The following ERC1 variants were observed in gnomAD, a reference collection of about 807,000 sequenced individuals.
ERC1 encodes the protein RAB6 interacting protein 2.
Under a neutral mutation model 132.0 loss-of-function variants are expected in ERC1, and 56 were observed. The observed-to-expected ratio is 0.42, with a 90% confidence interval of 0.34 to 0.53. The LOEUF is 0.53. Among genes scored for constraint, ERC1 ranks in the 20% least tolerant of loss-of-function variants. The pLI, the probability that ERC1 is intolerant of heterozygous loss-of-function variation, is 0.03. For missense variants in ERC1, 1,202 were observed against 1,349.9 expected (o/e 0.89, Z 1.72); for synonymous variants, 478 against 476.1 (o/e 1.00, Z -0.05).
intron 14 of ERC1, among the ~76,000 whole-genome samples, chr12:1,273,866 A>G (rs1301767701): frequency 6.6e-6 from 1 of 152,196 alleles, no homozygotes; most frequent in Non-Finnish European, 1.5e-5. Context: ...GAGTTGTGAC[A>G]CTAGGATATT....
intron 18 of ERC1, among the ~76,000 whole-genome samples, chr12:1,481,490 A>T (rs1187570897): frequency 6.6e-6 from 1 of 152,246 alleles, no homozygotes; most frequent in Non-Finnish European, 1.5e-5. Context: ...GATCCTTGAG[A>T]TTCTTTCAAG....
At chr12:1,071,795 T>C (rs1327284521) in intron 2 of ERC1, among the ~76,000 whole-genome samples, 2 of 152,168 alleles carry the variant, frequency 1.3e-5, no homozygotes, top group African/African-American at 4.8e-5. Context: ...CCAAATATCT[T>C]TCCCTTAAAA....
At chr12:1,179,324 C>T (rs1047563424) in intron 8 of ERC1, among the ~76,000 whole-genome samples, 16 of 152,032 alleles carry the variant, frequency 1.1e-4, no homozygotes, top group African/African-American at 3.9e-4. Context: ...ATTTAAAGTA[C>T]AGAACTGGCC....
intron 12 of ERC1, among the ~76,000 whole-genome samples, chr12:1,223,541 TTAGA>T (rs2074331260): frequency 1.3e-5 from 2 of 152,314 alleles, no homozygotes; most frequent in Admixed American, 1.3e-4. Context: ...GGATCACACT[TTAGA>T]TAGCAAGATG....
intron 12 of ERC1, among the ~76,000 whole-genome samples, chr12:1,223,183 TC>T (rs1050473304): frequency 6.6e-6 from 1 of 152,116 alleles, no homozygotes; most frequent in African/African-American, 2.4e-5. Context: ...GTATGTAGAC[TC>T]CCTCCCTAAT....
chr12:1,379,810 C>G (rs2088418358), intron 16 of ERC1, among the ~76,000 whole-genome samples: 1 of 152,060 alleles, frequency 6.6e-6, no homozygotes. Flanking sequence ...AAGTGACATA[C>G]CATCACTTCT....
At chr12:1,278,364 C>A (rs2078428442) in intron 14 of ERC1, among the ~76,000 whole-genome samples, 1 of 152,104 alleles carries the variant, frequency 6.6e-6, no homozygotes, top group Admixed American at 6.5e-5. Context: ...CATTTTGATC[C>A]ATTTATTAAT....
intron 15 of ERC1, among the ~76,000 whole-genome samples, chr12:1,294,975 C>G (rs1206195704): frequency 6.6e-6 from 1 of 152,114 alleles, no homozygotes; most frequent in African/African-American, 2.4e-5. Flanking sequence ...CCAGAAGTTA[C>G]TGAATGAAAG....
chr12:1,447,296 T>C (rs754399748), intron 18 of ERC1, among the ~76,000 whole-genome samples: 1 of 152,014 alleles, frequency 6.6e-6, no homozygotes, highest in Non-Finnish European at 1.5e-5. Context: ...GGTGGGAGAA[T>C]CCCTTGAGCC....
chr12:1,152,078 T>G (rs1379686857), intron 8 of ERC1, among the ~76,000 whole-genome samples: 1 of 152,094 alleles, frequency 6.6e-6, no homozygotes, highest in African/African-American at 2.4e-5. Flanking sequence ...CAGGTGCCTG[T>G]AATCCCAGCT....
intron 16 of ERC1, among the ~76,000 whole-genome samples, chr12:1,388,819 A>G (rs1288585298): frequency 1.3e-5 from 2 of 152,176 alleles, no homozygotes; most frequent in African/African-American, 4.8e-5. Flanking sequence ...GGAGTAATGT[A>G]TTCACTAGGC....
At chr12:1,101,772 T>C (rs1944691515) in intron 3 of ERC1, among the ~76,000 whole-genome samples, 1 of 152,016 alleles carries the variant, frequency 6.6e-6, no homozygotes, top group African/African-American at 2.4e-5. Flanking sequence ...GGGGTATACG[T>C]GTAAAGGTAA....
At position 1,038,509 on chromosome 12, in the gene ERC1, C is replaced by A. The variant is rs766307126; in HGVS notation, c.669+9937C>A. On this transcript the variant is annotated intron_variant, in intron 2 of 18. Coordinates refer to ENST00000360905, the MANE Select transcript of ERC1 (RefSeq NM_178040.4). The stretch of plus-strand genomic sequence containing the variant: ...CCAAGCAGCTGGGATTACAGGCACA[C>A]GCCACCATGCCCTGCTAATTTTTGT... Among the ~76,000 whole-genome samples the A allele has an allele frequency of 3.9e-4, 59 of 152,008 alleles. 1 individual carries two copies. Among genetic ancestry groups the A allele is most frequent in the Non-Finnish European group, 1.9e-4 (13 of 68,006 alleles).
At chr12:1,433,839 G>C (rs150642515) in intron 17 of ERC1, among the ~76,000 whole-genome samples, 1 of 152,126 alleles carries the variant, frequency 6.6e-6, no homozygotes, top group Non-Finnish European at 1.5e-5. Flanking sequence ...ACTGGTTAAA[G>C]CATGAAGAGA....
At chr12:1,482,780 C>T (rs2094118594) in intron 18 of ERC1, among the ~76,000 whole-genome samples, 1 of 152,052 alleles carries the variant, frequency 6.6e-6, no homozygotes, top group Admixed American at 6.5e-5. Context: ...ATATAATTTA[C>T]ATACATACAA....
chr12:1,331,391 G>A lies in ERC1; in HGVS notation c.2781-40442G>A, dbSNP rs377429954. ...TTGGGTGACTATACAATATTTATTTGTCTAGCAGTTATCCATCTACTTACT... is the reference window on the plus strand; with the variant it reads ...TTGGGTGACTATACAATATTTATTTATCTAGCAGTTATCCATCTACTTACT... On this transcript the variant is annotated intron_variant, in intron 15 of 18. Coordinates refer to ENST00000360905, the MANE Select transcript of ERC1 (RefSeq NM_178040.4). 1.1e-4 allele frequency among the ~76,000 whole-genome samples: 16 copies of A among 152,200 alleles called. No homozygotes were observed. The East Asian group carries it at 2.1e-3, about 20-fold the overall frequency.
rs1015181197 is a variant in ERC1 at position 1,438,954 on chromosome 12, A to AAAATATATAT, written c.3025-5607_3025-5606insAATATATATA. Among the ~76,000 whole-genome samples, 313 of 143,540 alleles carry AAAATATATAT rather than the reference A, an allele frequency of 2.2e-3. 2 individuals are homozygous for AAAATATATAT. The highest frequency in any genetic ancestry group is 5.8e-3 in the African/African-American group (221 of 38,196). 94.2% of individuals were successfully genotyped at this position (143,540 alleles called of 152,430 possible). A position where few individuals can be genotyped will look rare whatever the true frequency, so the allele number is the denominator to read the frequency against. ...GAGACCTTGTCTCAATTTAAAAAAA[A>AAAATATATAT]ATATATATATATATATAAAAAATGA... On this transcript the variant is annotated intron_variant, in intron 17 of 18. Transcript: ENST00000360905.
intron 1 of ERC1, among the ~76,000 whole-genome samples, chr12:1,003,096 C>CAA (rs59507923): frequency 0.023 from 2,010 of 86,776 alleles, 54 homozygotes; most frequent in African/African-American, 0.067. Context: ...ATGAAAAATG[C>CAA]AAAAAAAAAA....
At chr12:1,180,780 G>A in intron 9 of ERC1, 103 bp downstream of exon 9, 1 of 1,383,596 alleles carries the variant, frequency 7.2e-7, no homozygotes, top group Non-Finnish European at 1.0e-6. Context: ...CAAGGGAAAA[G>A]AGCTGCTGTG....
Sources: gnomAD v4.1 joint callset for allele counts (sites outside exome capture counted in the v4.1 genomes callset) on GRCh38, gnomAD v4.1.1 for gene constraint, MANE v1.5 for transcripts, NCBI Gene and HGNC (gene_info 2026-07-23, HGNC 2026-07-21) for gene names.